Variants in TAOK3 observed in about 807,000 individuals in gnomAD.
TAOK3 encodes serine/threonine-protein kinase TAO3.
In TAOK3, 40 loss-of-function variants were observed where a neutral mutation model predicts 120.4. That is an observed-to-expected ratio of 0.33 (90% confidence interval 0.26 to 0.43). TAOK3 has a LOEUF of 0.43. Ranked by LOEUF, TAOK3 falls within the 20% of genes least tolerant of loss-of-function variation. The probability of loss-of-function intolerance (pLI) is 1.00; values close to 1 mark genes in which losing one functional copy is unlikely to be tolerated. For synonymous variants in TAOK3, 355 were observed against 387.5 expected, an observed-to-expected ratio of 0.92 and a Z score of 0.99; for missense variants, 821 against 1,112.1, an observed-to-expected ratio of 0.74 and a Z score of 3.72.
At chr12:118,174,502 T>C (rs575653989) in intron 16 of TAOK3, among the ~76,000 whole-genome samples, 10 of 152,146 alleles carry the variant, frequency 6.6e-5, no homozygotes, top group African/African-American at 2.2e-4. Context: ...GACTCTTAAA[T>C]GCTGTTCTGT....
At chr12:118,157,718 A>C (rs1464568521) in intron 19 of TAOK3, among the ~76,000 whole-genome samples, 1 of 152,230 alleles carries the variant, frequency 6.6e-6, no homozygotes, top group East Asian at 1.9e-4. Context: ...GACGTGATTC[A>C]TGACTGTCTT....
chr12:118,233,561 T>G, intron 9 of TAOK3, 113 bp downstream of exon 9: 3 of 825,976 alleles, frequency 3.6e-6, no homozygotes, highest in Non-Finnish European at 5.9e-6. Context: ...ACTCATTAAG[T>G]AATAGCCAGA....
chr12:118,288,743 C>CT (rs2042354328), intron 1 of TAOK3, among the ~76,000 whole-genome samples: 1 of 151,614 alleles, frequency 6.6e-6, no homozygotes, highest in Admixed American at 6.6e-5. Flanking sequence ...CAGTGAAACC[C>CT]TGTCTCTACT....
intron 13 of TAOK3, among the ~76,000 whole-genome samples, chr12:118,195,973 G>A (rs768102769): frequency 1.3e-4 from 20 of 151,986 alleles, no homozygotes; most frequent in Admixed American, 2.6e-4. Context: ...TGGCGTGAAC[G>A]CAGGAGGCGG....
Position 118,371,456 on chromosome 12 carries a change from C to G in TAOK3, c.-194+1192G>C, listed in dbSNP as rs1423741772. Among the ~76,000 whole-genome samples, 1 of 152,138 alleles carries G rather than the reference C, an allele frequency of 6.6e-6. No homozygotes were observed. Among genetic ancestry groups the G allele is most frequent in the Non-Finnish European group, 1.5e-5 (1 of 68,014 alleles). Reference sequence around the variant, plus strand: ...CAAGATCTTTGTCCTGCAGCCAGCCCCACCAGCCCCTCCAGCTCCTCCAGC... The same window carrying G: ...CAAGATCTTTGTCCTGCAGCCAGCCGCACCAGCCCCTCCAGCTCCTCCAGC... On this transcript the variant is annotated intron_variant, in intron 1 of 20. Transcript: ENST00000392533. This position sits in a 1 kb window ranked among gnomAD's most constrained non-coding sequence, Gnocchi z 5.5.
chr12:118,229,200 A>G (rs1267160313), intron 9 of TAOK3, among the ~76,000 whole-genome samples: 1 of 151,946 alleles, frequency 6.6e-6, no homozygotes, highest in South Asian at 2.1e-4. Flanking sequence ...TCCCAGGTTC[A>G]GATGATTCTC....
rs562774569 is a variant in TAOK3 at position 118,244,825 on chromosome 12, G to A, written c.192+69C>T. The A allele has an allele frequency of 7.2e-6, 9 of 1,252,696 alleles. No individual in the cohort carries two copies. The African/African-American group carries it at 1.3e-4, about 19-fold the overall frequency. The allele number at this position is 1,252,696 out of a possible 1,614,324, so 77.6% of individuals were successfully genotyped here. ...TTACAGGCGTGAACCACCGCGCCCGGCCAGAATTTTGTTAATTTCATACTA... is the reference window on the plus strand; with the variant it reads ...TTACAGGCGTGAACCACCGCGCCCGACCAGAATTTTGTTAATTTCATACTA... On this transcript the variant is annotated intron_variant, in intron 4 of 20. Coordinates refer to ENST00000392533, the MANE Select transcript of TAOK3 (RefSeq NM_016281.4).
chr12:118,302,132 C>G (rs775967330), intron 1 of TAOK3, among the ~76,000 whole-genome samples: 12 of 152,264 alleles, frequency 7.9e-5, no homozygotes, highest in Admixed American at 7.9e-4. Flanking sequence ...GGAGAAAGTA[C>G]AGCATGCATT....
At chr12:118,254,841 T>A (rs576163776) in intron 3 of TAOK3, among the ~76,000 whole-genome samples, 2 of 152,240 alleles carry the variant, frequency 1.3e-5, no homozygotes, top group South Asian at 4.2e-4. Flanking sequence ...CACTGCAAGC[T>A]CCACCTCCCT....
intron 9 of TAOK3, 43 bp downstream of exon 9, chr12:118,233,631 G>C: frequency 7.0e-7 from 1 of 1,426,444 alleles, no homozygotes; most frequent in Non-Finnish European, 9.9e-7. Context: ...CTGCAAAATA[G>C]AATTTTAAAA....
intron 1 of TAOK3, among the ~76,000 whole-genome samples, chr12:118,301,744 A>G (rs1373744386): frequency 6.7e-6 from 1 of 148,404 alleles, no homozygotes; most frequent in Non-Finnish European, 1.5e-5. Flanking sequence ...CAGGAGGCTG[A>G]GGCGGGAGGA....
chr12:118,245,641 C>A (rs183771519), intron 3 of TAOK3, among the ~76,000 whole-genome samples: 6 of 152,254 alleles, frequency 3.9e-5, no homozygotes, highest in Admixed American at 2.0e-4. Flanking sequence ...AAAATAATAT[C>A]TCCATACTGC....
At chr12:118,173,228 G>C (rs2036114764) in intron 16 of TAOK3, among the ~76,000 whole-genome samples, 1 of 152,186 alleles carries the variant, frequency 6.6e-6, no homozygotes, top group Non-Finnish European at 1.5e-5. Context: ...GGGTTGGAGA[G>C]GAAACATGGT....
intron 13 of TAOK3, among the ~76,000 whole-genome samples, chr12:118,197,908 C>G (rs1197845838): frequency 6.6e-6 from 1 of 151,990 alleles, no homozygotes; most frequent in African/African-American, 2.4e-5. Flanking sequence ...GGGATGGTCT[C>G]GATCTCCTGA....
chr12:118,291,294 T>G (rs1166144291), intron 1 of TAOK3, among the ~76,000 whole-genome samples: 1 of 151,738 alleles, frequency 6.6e-6, no homozygotes. Flanking sequence ...GTAGCTGGGA[T>G]AACAGGCATC....
At chr12:118,251,962 C>T (rs1264238374) in intron 3 of TAOK3, among the ~76,000 whole-genome samples, 3 of 152,074 alleles carry the variant, frequency 2.0e-5, no homozygotes, top group Non-Finnish European at 4.4e-5. Context: ...GCTGGGACTA[C>T]AGGCGCCCGC....
At chr12:118,152,090 G>A (rs1566215749) in intron 20 of TAOK3, 137 bp downstream of exon 20, 1 of 770,458 alleles carries the variant, frequency 1.3e-6, no homozygotes, top group Non-Finnish European at 2.0e-6. Flanking sequence ...ACCTCACAAG[G>A]GTACCAGTAG....
chr12:118,303,782 G>C (rs1184201723), intron 1 of TAOK3, among the ~76,000 whole-genome samples: 1 of 152,102 alleles, frequency 6.6e-6, no homozygotes, highest in Non-Finnish European at 1.5e-5. Context: ...TGAGTAGCTG[G>C]GATTACAGGC....
chr12:118,347,634 CA>C (rs961943871), intron 1 of TAOK3, among the ~76,000 whole-genome samples: 1 of 152,144 alleles, frequency 6.6e-6, no homozygotes, highest in African/African-American at 2.4e-5. Flanking sequence ...AGTTTCTTTC[CA>C]ACCCACCTCT....
Sources: allele counts gnomAD v4.1 joint callset (sites outside exome capture counted in the v4.1 genomes callset), GRCh38; gene constraint gnomAD v4.1.1; non-coding constraint Gnocchi (gnomAD v3.1); transcripts MANE v1.5; gene names NCBI Gene and HGNC (gene_info 2026-07-23, HGNC 2026-07-21).